CHL1: variants seen among roughly 807,000 people sequenced by gnomAD.
CHL1 encodes the protein cell adhesion molecule L1 like, also known as neural cell adhesion molecule L1-like protein.
In CHL1, 96 loss-of-function variants were observed where a neutral mutation model predicts 141.9. The ratio of observed to expected loss-of-function variants is 0.68; its 90% CI spans 0.57 to 0.80. The LOEUF is 0.80. Among genes scored for constraint, CHL1 ranks in the 30% least tolerant of loss-of-function variants. CHL1 has a pLI of 0.00. For synonymous variants in CHL1, 613 were observed against 502.2 expected (o/e 1.22, Z -2.95); for missense variants, 1,820 against 1,457.2 (o/e 1.25, Z -4.05).
chr3:379,265 T>A (rs1278232972), intron 16 of CHL1, among the ~76,000 whole-genome samples: 3 of 152,076 alleles, frequency 2.0e-5, no homozygotes, highest in Non-Finnish European at 4.4e-5. Context: ...GCGAAACAAA[T>A]GGCCATCAAG....
At chr3:285,069 A>T (rs892334611) in intron 2 of CHL1, among the ~76,000 whole-genome samples, 1 of 152,238 alleles carries the variant, frequency 6.6e-6, no homozygotes, top group Non-Finnish European at 1.5e-5. Flanking sequence ...AAGCTGTTTT[A>T]AGCATATTTG....
chr3:298,154 A>T lies in CHL1; in HGVS notation c.-94-21529A>T, dbSNP rs184146633. Among the ~76,000 whole-genome samples, 58 of 152,316 alleles carry T rather than the reference A, an allele frequency of 3.8e-4. 1 individual carries two copies. The highest frequency in any genetic ancestry group is 1.3e-3 in the African/African-American group (56 of 41,572). ...TATGAATGTGGGTATATCCAACGAGATCTCTCTTATAATTTTAGTCCATAA... is the reference window on the plus strand; with the variant it reads ...TATGAATGTGGGTATATCCAACGAGTTCTCTCTTATAATTTTAGTCCATAA... On this transcript the variant is annotated intron_variant, in intron 2 of 27. Coordinates refer to ENST00000256509, the MANE Select transcript of CHL1 (RefSeq NM_006614.4).
intron 2 of CHL1, chr3:308,957 C>T (rs1163954142): frequency 1.3e-5 from 2 of 154,408 alleles, no homozygotes; most frequent in African/African-American, 2.4e-5. Flanking sequence ...CAGGAGTCCG[C>T]TGGGCCCCCT....
At chr3:219,763 A>T (rs1194687595) in intron 1 of CHL1, among the ~76,000 whole-genome samples, 1 of 152,224 alleles carries the variant, frequency 6.6e-6, no homozygotes, top group Non-Finnish European at 1.5e-5. Context: ...TTAATGAAAT[A>T]GTCTGTACAA....
intron 10 of CHL1, among the ~76,000 whole-genome samples, chr3:351,540 C>T (rs1703257236): frequency 6.6e-6 from 1 of 152,070 alleles, no homozygotes; most frequent in South Asian, 2.1e-4. Context: ...TTCTGCCTTC[C>T]TGCACCCTCT....
At chr3:283,168 T>C (rs1380144944) in intron 2 of CHL1, among the ~76,000 whole-genome samples, 1 of 152,228 alleles carries the variant, frequency 6.6e-6, no homozygotes, top group East Asian at 1.9e-4. Flanking sequence ...TTATGTTTGC[T>C]TTATGCAGTA....
intron 1 of CHL1, among the ~76,000 whole-genome samples, chr3:203,199 A>G (rs1699109551): frequency 1.3e-5 from 2 of 152,250 alleles, no homozygotes; most frequent in African/African-American, 4.8e-5. Flanking sequence ...GAGCCAAACC[A>G]ATGTCCCTTG....
intron 1 of CHL1, among the ~76,000 whole-genome samples, chr3:232,911 A>G (rs1359447991): frequency 1.3e-5 from 2 of 152,116 alleles, no homozygotes; most frequent in Non-Finnish European, 2.9e-5. Context: ...ACCTTTTTAT[A>G]AAAGAAACCA....
chr3:369,069 C>T (rs1182603413), intron 15 of CHL1, among the ~76,000 whole-genome samples: 1 of 152,116 alleles, frequency 6.6e-6, no homozygotes, highest in Admixed American at 6.5e-5. Flanking sequence ...ATTGTTTTGT[C>T]TATATGGGGT....
At chr3:311,972 A>T (rs1358864083) in intron 2 of CHL1, among the ~76,000 whole-genome samples, 1 of 152,178 alleles carries the variant, frequency 6.6e-6, no homozygotes, top group African/African-American at 2.4e-5. Context: ...ACTGTGAAAC[A>T]ATTTGAATTA....
intron 2 of CHL1, among the ~76,000 whole-genome samples, chr3:268,223 T>G (rs1168605311): frequency 6.6e-6 from 1 of 152,122 alleles, no homozygotes; most frequent in East Asian, 1.9e-4. Context: ...ATGGCAGTGA[T>G]GAAGAAAATG....
intron 15 of CHL1, among the ~76,000 whole-genome samples, chr3:368,509 G>A (rs7649212): frequency 0.047 from 7,110 of 152,176 alleles, 574 homozygotes; most frequent in African/African-American, 0.16. Flanking sequence ...TGTCAGATGG[G>A]TAGTTGTAAA....
intron 8 of CHL1, among the ~76,000 whole-genome samples, chr3:344,379 C>G (rs1244570241): frequency 6.6e-6 from 1 of 151,798 alleles, no homozygotes; most frequent in African/African-American, 2.4e-5. Flanking sequence ...GTGCTACGCT[C>G]AGTAAAAACA....
At chr3:229,034 A>G (rs944322006) in intron 1 of CHL1, among the ~76,000 whole-genome samples, 1 of 152,166 alleles carries the variant, frequency 6.6e-6, no homozygotes, top group East Asian at 1.9e-4. Context: ...TGCGGTGTGC[A>G]TTGCTGATAG....
At chr3:357,642 TA>T (rs1350390681) in intron 11 of CHL1, among the ~76,000 whole-genome samples, 1 of 152,218 alleles carries the variant, frequency 6.6e-6, no homozygotes, top group Admixed American at 6.5e-5. Flanking sequence ...ATTTCTGAAG[TA>T]TGTCAGGACT....
intron 1 of CHL1, among the ~76,000 whole-genome samples, chr3:239,509 G>A (rs1692342263): frequency 6.6e-6 from 1 of 151,592 alleles, no homozygotes; most frequent in Non-Finnish European, 1.5e-5. Context: ...GTGACTGTAA[G>A]GTGAAGGAAC....
intron 2 of CHL1, among the ~76,000 whole-genome samples, chr3:291,314 C>T (rs1229240551): frequency 1.3e-5 from 2 of 152,012 alleles, no homozygotes; most frequent in Non-Finnish European, 2.9e-5. Context: ...ACTATATTTC[C>T]TTATTATTGC....
intron 1 of CHL1, among the ~76,000 whole-genome samples, chr3:206,172 G>A (rs756605351): frequency 9.9e-5 from 15 of 152,180 alleles, no homozygotes; most frequent in Admixed American, 5.2e-4. Context: ...CATTAAATAT[G>A]AGGTTTTAAA....
At chr3:291,456 C>CTTTTTTTTTTTT (rs201416513) in intron 2 of CHL1, among the ~76,000 whole-genome samples, 1 of 146,100 alleles carries the variant, frequency 6.8e-6, no homozygotes, top group South Asian at 2.2e-4. Context: ...TTTTCTTTTT[C>CTTTTTTTTTTTT]TTTTTCTTTT....
Sources: allele counts gnomAD v4.1 joint callset (sites outside exome capture counted in the v4.1 genomes callset), GRCh38; gene constraint gnomAD v4.1.1; transcripts MANE v1.5; gene names NCBI Gene and HGNC (gene_info 2026-07-23, HGNC 2026-07-21).